CCNY: variants seen among roughly 807,000 people sequenced by gnomAD.
CCNY encodes the protein cyclin-Y.
CCNY carries 19 observed loss-of-function variants against 42.8 expected under a neutral mutation model. The observed-to-expected ratio is 0.44, with a 90% confidence interval of 0.31 to 0.65. CCNY has a LOEUF of 0.65. Ranked by LOEUF, CCNY falls within the 30% of genes least tolerant of loss-of-function variation. The pLI is 0.07. For synonymous variants in CCNY, 165 were observed against 162.7 expected (o/e 1.01, Z -0.11); for missense variants, 370 against 437.3 (o/e 0.85, Z 1.37).
rs1841690401 is a variant in CCNY at position 35,571,788 on chromosome 10, T to C, written c.*2618T>C. 1 of 152,366 alleles carries C rather than the reference T, an allele frequency of 6.6e-6. No homozygotes were observed. The allele number at this position is 152,366 out of a possible 1,614,324, so 9.4% of individuals were successfully genotyped here. The stretch of plus-strand genomic sequence containing the variant: ...CTCTACAATTAAAGCTGGATTACTA[T>C]TGAGGAACACATTGTCTTAGTGTAG... On this transcript the variant is annotated 3_prime_UTR_variant, in exon 10 of 10. Transcript: ENST00000374704.
chr10:35,570,560 A>G lies in CCNY; in HGVS notation c.*1390A>G, dbSNP rs1473732668. ...ATCTAAGAGTGTGAGTCACTTGCAT[A>G]TGTAATGCTTTGGGTTTTTGCATAT... On this transcript the variant is annotated 3_prime_UTR_variant, in exon 10 of 10. Transcript: ENST00000374704. The G allele has an allele frequency of 6.6e-6, 1 of 152,342 alleles. No individual in the cohort carries two copies. The highest frequency in any genetic ancestry group is 2.4e-5 in the African/African-American group (1 of 41,448). The allele number at this position is 152,342 out of a possible 1,614,324, so 9.4% of individuals were successfully genotyped here. A position where few individuals can be genotyped will look rare whatever the true frequency, so the allele number is the denominator to read the frequency against.
chr10:35,408,520 A>G (rs1837834012), intron 1 of CCNY, among the ~76,000 whole-genome samples: 1 of 151,926 alleles, frequency 6.6e-6, no homozygotes, highest in Non-Finnish European at 1.5e-5. Flanking sequence ...GAGAATTACA[A>G]AGAACCTTCT....
chr10:35,432,444 A>T (rs893156565), intron 1 of CCNY, among the ~76,000 whole-genome samples: 5 of 152,242 alleles, frequency 3.3e-5, no homozygotes, highest in African/African-American at 1.2e-4. Context: ...CCTTTGACTG[A>T]AACTTTGAAC....
intron 3 of CCNY, among the ~76,000 whole-genome samples, chr10:35,310,528 G>A (rs998169493): frequency 6.6e-6 from 1 of 152,190 alleles, no homozygotes; most frequent in African/African-American, 2.4e-5. Context: ...CTCACCAACA[G>A]TGTATATCCC....
rs114984697 is a variant in CCNY at position 35,464,149 on chromosome 10, A to T, written c.155-19255A>T. ...CCACAGATAGGTTAAACCCAGCAGC[A>T]TATCCACCGCCGAACTGGGTCTTCC... On this transcript the variant is annotated intron_variant, in intron 1 of 9. Transcript: ENST00000374704. 6.7e-3 allele frequency among the ~76,000 whole-genome samples: 1,013 copies of T among 152,294 alleles called. 17 individuals are homozygous for T. The highest frequency in any genetic ancestry group is 0.023 in the African/African-American group (957 of 41,552).
chr10:35,569,033 A>C lies in CCNY; in HGVS notation c.910-21A>C, dbSNP rs193199714. ...GCAGATATGGCCCGCCCTGACCCACACTGTCTTTCTTGCCCCTCAGGCCAT... is the reference window on the plus strand; with the variant it reads ...GCAGATATGGCCCGCCCTGACCCACCCTGTCTTTCTTGCCCCTCAGGCCAT... On this transcript the variant is annotated intron_variant, in intron 9 of 9. Coordinates refer to ENST00000374704, the MANE Select transcript of CCNY (RefSeq NM_145012.6). 12 of 1,519,928 alleles carry C rather than the reference A, an allele frequency of 7.9e-6. No individual in the cohort carries two copies. The East Asian group carries it at 2.7e-4, about 34-fold the overall frequency. The allele number at this position is 1,519,928 out of a possible 1,614,324, so 94.2% of individuals were successfully genotyped here.
chr10:35,307,813 TATA>T lies in CCNY; in HGVS notation c.-9+57188_-9+57190del, dbSNP rs1454578297. The stretch of plus-strand genomic sequence containing the variant: ...GTGTGTGTGTGTGTATATATATATA[TATA>T]TATTTTTTTTTTTTTTTCTGAGATG... On this transcript the variant is annotated intron_variant, in intron 3 of 11. Transcript: ENST00000374706. Among the ~76,000 whole-genome samples, 501 of 71,052 alleles carry T rather than the reference TATA, an allele frequency of 7.1e-3. 16 individuals carry two copies. Among genetic ancestry groups the T allele is most frequent in the Middle Eastern group, 0.037 (4 of 108 alleles). 46.6% of individuals were successfully genotyped at this position (71,052 alleles called of 152,430 possible).
intron 3 of CCNY, among the ~76,000 whole-genome samples, chr10:35,284,000 C>CT (rs1186148829): frequency 1.3e-5 from 2 of 152,100 alleles, no homozygotes; most frequent in African/African-American, 2.4e-5. Flanking sequence ...AGGAGAATCA[C>CT]TTGAACCCGG....
chr10:35,415,009 C>T (rs1475038795), intron 1 of CCNY, among the ~76,000 whole-genome samples: 6 of 152,218 alleles, frequency 3.9e-5, no homozygotes, highest in Admixed American at 2.6e-4. Flanking sequence ...TCATTCTAGG[C>T]GGAGGGAACA....
At chr10:35,485,579 G>A (rs557430833) in intron 2 of CCNY, among the ~76,000 whole-genome samples, 1 of 152,098 alleles carries the variant, frequency 6.6e-6, no homozygotes, top group South Asian at 2.1e-4. Flanking sequence ...CAAAAAATTA[G>A]CTGGGTGTGG....
Position 35,385,631 on chromosome 10 carries a change from A to G in CCNY, c.154+48424A>G, listed in dbSNP as rs1477225778. On this transcript the variant is annotated intron_variant, in intron 1 of 9. Transcript: ENST00000374704. ...AATATTCCAGTTGCCCCATATTCTT[A>G]CCAATACCTGATATTTCTTTAAAAC... Among the ~76,000 whole-genome samples, 4 of 152,356 alleles carry G rather than the reference A, an allele frequency of 2.6e-5. No individual in the cohort carries two copies. The East Asian group carries it at 7.7e-4, about 29-fold the overall frequency.
rs372553221 is a variant in CCNY, at chr10:35,458,733, C to A, written c.155-24671C>A. Among the ~76,000 whole-genome samples, 13 of 152,302 alleles carry A rather than the reference C, an allele frequency of 8.5e-5. 1 individual carries two copies. The highest frequency in any genetic ancestry group is 3.1e-4 in the African/African-American group (13 of 41,566). ...ATGTGAGGGTGTGAGCCAAGCCCGT[C>A]CTGAATTGTGTGCACTGAAACTCTT... On this transcript the variant is annotated intron_variant, in intron 1 of 9. Coordinates refer to ENST00000374704, the MANE Select transcript of CCNY (RefSeq NM_145012.6).
At position 35,516,327 on chromosome 10, in the gene CCNY, CTT is replaced by C. The variant is rs1491269440; in HGVS notation, c.265-193_265-192del. Among the ~76,000 whole-genome samples the C allele has an allele frequency of 2.6e-5, 4 of 151,770 alleles. No individual in the cohort carries two copies. The East Asian group carries it at 7.8e-4, about 30-fold the overall frequency. ...TAGGGACTAGGTGTGGTCCTGGTGA[CTT>C]TTATATATGGAAGAGCAAGGAAGTT... On this transcript the variant is annotated intron_variant, in intron 3 of 9. Transcript: ENST00000374704.
At chr10:35,494,517 C>T (rs912705317) in intron 2 of CCNY, among the ~76,000 whole-genome samples, 11 of 151,982 alleles carry the variant, frequency 7.2e-5, no homozygotes, top group Admixed American at 4.6e-4. Context: ...AAATAGTATA[C>T]GTGAATATTT....
rs753031809 is a variant in CCNY, at chr10:35,382,496, C to T, written c.154+45289C>T. Reference sequence around the variant, plus strand: ...AGCATCACTTAGAACAGTGCTTCTCCATTGATTTTGCCCCCAGGGCACATT... The same window carrying T: ...AGCATCACTTAGAACAGTGCTTCTCTATTGATTTTGCCCCCAGGGCACATT... On this transcript the variant is annotated intron_variant, in intron 1 of 9. Coordinates refer to ENST00000374704, the MANE Select transcript of CCNY (RefSeq NM_145012.6). 4.8e-4 allele frequency among the ~76,000 whole-genome samples: 73 copies of T among 152,202 alleles called. 1 individual carries two copies. The highest frequency in any genetic ancestry group is 2.8e-4 in the Non-Finnish European group (19 of 68,024).
At chr10:35,277,910 C>T (rs1444415524) in intron 3 of CCNY, among the ~76,000 whole-genome samples, 1 of 152,110 alleles carries the variant, frequency 6.6e-6, no homozygotes, top group African/African-American at 2.4e-5. Flanking sequence ...GGCCCATATC[C>T]TAAAAGGCCA....
At chr10:35,441,988 C>A (rs1348154442) in intron 1 of CCNY, among the ~76,000 whole-genome samples, 1 of 152,136 alleles carries the variant, frequency 6.6e-6, no homozygotes, top group Non-Finnish European at 1.5e-5. Flanking sequence ...GGAAAAGTTC[C>A]CATTTATAGT....
At chr10:35,519,968 T>C (rs1029733192) in intron 4 of CCNY, among the ~76,000 whole-genome samples, 13 of 151,920 alleles carry the variant, frequency 8.6e-5, no homozygotes. Context: ...TGTAGAGACA[T>C]TTGTTTCACC....
intron 1 of CCNY, among the ~76,000 whole-genome samples, chr10:35,451,264 G>A (rs1003099073): frequency 1.8e-4 from 28 of 152,302 alleles, no homozygotes; most frequent in African/African-American, 6.3e-4. Context: ...AGTCAGAGAA[G>A]GAAAGAAGAA....
Sources: allele counts gnomAD v4.1 joint callset (sites outside exome capture counted in the v4.1 genomes callset), GRCh38; gene constraint gnomAD v4.1.1; transcripts MANE v1.5; gene names NCBI Gene and HGNC (gene_info 2026-07-23, HGNC 2026-07-21).